Variants in ATP6V1H observed in about 807,000 individuals in gnomAD.
ATP6V1H encodes the protein V-type proton ATPase subunit H.
Under a neutral mutation model 71.7 loss-of-function variants are expected in ATP6V1H, and 39 were observed. The ratio of observed to expected loss-of-function variants is 0.54; its 90% confidence interval spans 0.42 to 0.71. The LOEUF (loss-of-function observed/expected upper bound fraction) is 0.71. Among genes scored for constraint, ATP6V1H ranks in the 30% least tolerant of loss-of-function variants. The pLI is 0.00. For missense variants in ATP6V1H, 509 were observed against 594.9 expected, an observed-to-expected ratio of 0.86 and a Z score of 1.50; for synonymous variants, 192 against 199.3, an observed-to-expected ratio of 0.96 and a Z score of 0.31.
At chr8:53,786,440 C>T (rs545599932) in intron 9 of ATP6V1H, among the ~76,000 whole-genome samples, 1 of 152,142 alleles carries the variant, frequency 6.6e-6, no homozygotes, top group African/African-American at 2.4e-5. Flanking sequence ...GTCTGTCACC[C>T]CTTTCTTTGA....
chr8:53,764,154 G>A (rs1329974506), intron 11 of ATP6V1H, among the ~76,000 whole-genome samples: 1 of 151,932 alleles, frequency 6.6e-6, no homozygotes, highest in Non-Finnish European at 1.5e-5. Flanking sequence ...AAGAAGCAGC[G>A]GGAACACCTC....
chr8:53,778,626 T>G (rs2130350936), intron 9 of ATP6V1H, among the ~76,000 whole-genome samples: 1 of 152,186 alleles, frequency 6.6e-6, no homozygotes, highest in African/African-American at 2.4e-5. Context: ...AAGGATGCAC[T>G]TAACCCAAGA....
At chr8:53,755,715 T>C (rs1177400038) in intron 12 of ATP6V1H, among the ~76,000 whole-genome samples, 183 of 6,844 alleles carry the variant, frequency 0.027, 6 homozygotes, top group Non-Finnish European at 0.045. Flanking sequence ...TATATATATA[T>C]ATATATATAT....
chr8:53,756,166 GT>G (rs1808052445), intron 12 of ATP6V1H: 1 of 149,670 alleles, frequency 6.7e-6, no homozygotes, highest in South Asian at 2.1e-4. Context: ...CGCCTCCTGG[GT>G]TCAAGCAGTT....
chr8:53,730,297 A>G (rs766919304), intron 13 of ATP6V1H, among the ~76,000 whole-genome samples: 4 of 152,190 alleles, frequency 2.6e-5, no homozygotes, highest in Non-Finnish European at 5.9e-5. Context: ...TTGTAAACAA[A>G]CTATTCTTGG....
chr8:53,727,240 A>T (rs1806844169), intron 13 of ATP6V1H, among the ~76,000 whole-genome samples: 1 of 152,198 alleles, frequency 6.6e-6, no homozygotes, highest in African/African-American at 2.4e-5. Context: ...CACCCACTGC[A>T]TACTTTTCAG....
chr8:53,776,948 G>C (rs1454434354), intron 9 of ATP6V1H, among the ~76,000 whole-genome samples: 1 of 152,156 alleles, frequency 6.6e-6, no homozygotes, highest in Non-Finnish European at 1.5e-5. Context: ...AAGTGGACTG[G>C]AGATGACAAA....
chr8:53,820,826 A>G (rs994338530), intron 4 of ATP6V1H, among the ~76,000 whole-genome samples: 17 of 152,004 alleles, frequency 1.1e-4, no homozygotes, highest in Non-Finnish European at 2.1e-4. Context: ...TACTAAAAAA[A>G]CAAAAATTAG....
intron 13 of ATP6V1H, among the ~76,000 whole-genome samples, chr8:53,733,629 G>A (rs1431949465): frequency 6.6e-6 from 1 of 152,190 alleles, no homozygotes; most frequent in African/African-American, 2.4e-5. Flanking sequence ...AAGAAAGCAG[G>A]TCATTTGCAA....
intron 7 of ATP6V1H, among the ~76,000 whole-genome samples, chr8:53,807,558 C>T (rs1810123946): frequency 6.6e-6 from 1 of 152,058 alleles, no homozygotes; most frequent in Non-Finnish European, 1.5e-5. Flanking sequence ...CACAGAAGAC[C>T]ATGTATGATT....
chr8:53,766,145 C>G (rs1415530345), intron 11 of ATP6V1H, among the ~76,000 whole-genome samples: 1 of 152,182 alleles, frequency 6.6e-6, no homozygotes, highest in African/African-American at 2.4e-5. Flanking sequence ...GTCAGGGACC[C>G]CAAACGGAGG....
intron 2 of ATP6V1H, chr8:53,839,961 T>C: frequency 1.0e-6 from 1 of 975,046 alleles, no homozygotes; most frequent in South Asian, 4.7e-5. Flanking sequence ...CTCTCTGCAT[T>C]GCCTGCCTCC....
chr8:53,799,675 T>C (rs1242947659), intron 8 of ATP6V1H, among the ~76,000 whole-genome samples: 1 of 152,130 alleles, frequency 6.6e-6, no homozygotes, highest in East Asian at 1.9e-4. Context: ...AAAATTCACA[T>C]GTTCAAAGAC....
chr8:53,783,805 T>C (rs964927366), intron 9 of ATP6V1H, among the ~76,000 whole-genome samples: 25 of 152,234 alleles, frequency 1.6e-4, no homozygotes, highest in Non-Finnish European at 3.2e-4. Flanking sequence ...ATGTCCCCAG[T>C]AGTCATTCAG....
At chr8:53,743,854 C>T (rs980201207) in intron 12 of ATP6V1H, 164 bp from the exon 13 acceptor site, 5 of 568,896 alleles carry the variant, frequency 8.8e-6, no homozygotes, top group African/African-American at 7.5e-5. Context: ...CATAGATTTA[C>T]AGTATTCAAA....
intron 9 of ATP6V1H, among the ~76,000 whole-genome samples, chr8:53,782,335 C>T (rs1225480701): frequency 1.3e-5 from 2 of 149,778 alleles, no homozygotes; most frequent in African/African-American, 2.5e-5. Context: ...TGATTTGGCT[C>T]TCTGTTTGTC....
rs139705887 is a variant in ATP6V1H, at chr8:53,828,582, G to T, written c.306+862C>A. ...ACATGAAAAAGTGCTCAGAGAGACT[G>T]AGGTCATTCTCAAGACAGTCCTGAT... is the stretch of plus-strand genomic sequence containing the variant. On this transcript the variant is annotated intron_variant, in intron 4 of 13. Transcript: ENST00000359530. Among the ~76,000 whole-genome samples the T allele has an allele frequency of 1.4e-3, 214 of 152,232 alleles. 1 individual carries two copies. Among genetic ancestry groups the T allele is most frequent in the African/African-American group, 5.0e-3 (207 of 41,540 alleles).
intron 7 of ATP6V1H, among the ~76,000 whole-genome samples, chr8:53,806,087 G>A (rs1810067655): frequency 6.6e-6 from 1 of 151,950 alleles, no homozygotes. Context: ...TTTTAAAAAA[G>A]AAATAGAGAA....
intron 12 of ATP6V1H, among the ~76,000 whole-genome samples, chr8:53,746,267 C>CTT (rs562243257): frequency 1.4e-5 from 2 of 143,258 alleles, no homozygotes; most frequent in African/African-American, 2.5e-5. Flanking sequence ...ATGTTTATTT[C>CTT]TTTTTTTTTT....
Sources: gnomAD v4.1 joint callset for allele counts (sites outside exome capture counted in the v4.1 genomes callset) on GRCh38, gnomAD v4.1.1 for gene constraint, MANE v1.5 for transcripts, NCBI Gene and HGNC (gene_info 2026-07-23, HGNC 2026-07-21) for gene names.